ZZEF1: variants seen among roughly 807,000 people sequenced by gnomAD.
ZZEF1 encodes zinc finger ZZ-type and EF-hand domain containing 1.
Under a neutral mutation model 342.8 loss-of-function variants are expected in ZZEF1, and 157 were observed. The observed-to-expected ratio is 0.46, with a 90% confidence interval of 0.40 to 0.52. The LOEUF is 0.52. Among genes scored for constraint, ZZEF1 ranks in the 20% least tolerant of loss-of-function variants. ZZEF1 has a pLI of 0.00. For synonymous variants in ZZEF1, 1,505 were observed against 1,429.1 expected (o/e 1.05, Z -1.20); for missense variants, 3,480 against 3,725.6 (o/e 0.93, Z 1.72).
At chr17:4,027,184 C>A (rs2056426627) in intron 42 of ZZEF1, among the ~76,000 whole-genome samples, 1 of 151,684 alleles carries the variant, frequency 6.6e-6, no homozygotes, top group South Asian at 2.1e-4. Flanking sequence ...CTGTGTTGCC[C>A]AGGCTGGCAC....
intron 42 of ZZEF1, among the ~76,000 whole-genome samples, chr17:4,027,141 GT>G: frequency 6.6e-6 from 1 of 151,872 alleles, no homozygotes; most frequent in Non-Finnish European, 1.5e-5. Flanking sequence ...TCTCTCTCTT[GT>G]TTTTTAGGGG....
At position 4,017,721 on chromosome 17, in the gene ZZEF1, C is replaced by A; in HGVS notation, c.7651G>T (p.Ala2551Ser). 1 of 1,611,586 alleles carries A rather than the reference C, an allele frequency of 6.2e-7. No individual in the cohort carries two copies. Among genetic ancestry groups the A allele is most frequent in the Non-Finnish European group, 8.5e-7 (1 of 1,178,816 alleles). ...MIILPCLSRP[A>S]RCDQATAESN... is the part of the protein sequence containing the mutation. ...TCAGCAGTGGCTTGGTCACAGCGTGCAGGCCGGGACTGCAAACCCAAGACC... is the reference window on the plus strand; with the variant it reads ...TCAGCAGTGGCTTGGTCACAGCGTGAAGGCCGGGACTGCAAACCCAAGACC... The change falls in exon 48 of 55, where the codon GCA becomes TCA. Residue 2551 changes from alanine (A) to serine (S), a missense_variant. Coordinates refer to ENST00000381638, the MANE Select transcript of ZZEF1 (RefSeq NM_015113.4). This position sits in a 1 kb window ranked among gnomAD's most constrained non-coding sequence, Gnocchi z 5.1.
At position 4,034,092 on chromosome 17, in the gene ZZEF1, T is replaced by A; in HGVS notation, c.6507A>T (p.Ala2169=). The A allele has an allele frequency of 6.2e-7, 1 of 1,614,230 alleles. No homozygotes were observed. The highest frequency in any genetic ancestry group is 8.5e-7 in the Non-Finnish European group (1 of 1,180,046). ...CATCTGGCACAATGGAACTGTCCCC[T>A]GCAGCAAACAGGTTGTGTTTGGCTG... is the stretch of plus-strand genomic sequence containing the variant. ...VLSAKHNLFA[A]GDSSIVPDGW... The change falls in exon 40 of 55, where the codon GCA becomes GCT. Residue 2169 remains alanine (A), a synonymous_variant. Transcript: ENST00000381638.
intron 13 of ZZEF1, 132 bp from the exon 14 acceptor site, chr17:4,087,666 G>A (rs2057858352): frequency 1.3e-6 from 1 of 757,458 alleles, no homozygotes; most frequent in Non-Finnish European, 2.1e-6. Context: ...TATTACTGAT[G>A]CTTACTCTTA....
intron 37 of ZZEF1, among the ~76,000 whole-genome samples, chr17:4,045,286 C>G (rs971030069): frequency 6.6e-6 from 1 of 152,158 alleles, no homozygotes; most frequent in Non-Finnish European, 1.5e-5. Flanking sequence ...TTTCAGAAAC[C>G]AAGCATGGAA....
Position 4,064,692 on chromosome 17 carries a change from T to C in ZZEF1, c.4387A>G (p.Ser1463Gly). Reference protein sequence around the residue: ...LQPLNKRQRTSSVVEEHFQAS... With the variant: ...LQPLNKRQRTGSVVEEHFQAS... ...TGGAAATGCTCTTCCACCACAGAGC[T>C]TGTCCTCTGACGCTTGTTGAGTGGC... Residue 1463 changes from serine (S) to glycine (G), a missense_variant, in exon 29 of 55, where the codon AGC (serine) becomes GGC (glycine). Transcript: ENST00000381638. 1 of 1,614,216 alleles carries C rather than the reference T, an allele frequency of 6.2e-7. No homozygotes were observed. Among genetic ancestry groups the C allele is most frequent in the Non-Finnish European group, 8.5e-7 (1 of 1,180,044 alleles).
intron 9 of ZZEF1, among the ~76,000 whole-genome samples, chr17:4,098,401 G>A (rs186100643): frequency 6.6e-6 from 1 of 152,212 alleles, no homozygotes; most frequent in Admixed American, 6.5e-5. Flanking sequence ...AGTAGAGTGA[G>A]ACCCTGTCTC....
intron 4 of ZZEF1, among the ~76,000 whole-genome samples, chr17:4,113,491 C>T (rs1375145932): frequency 6.6e-6 from 1 of 152,070 alleles, no homozygotes; most frequent in African/African-American, 2.4e-5. Flanking sequence ...ATGGTGAAAC[C>T]CTGTCTCTAC....
intron 1 of ZZEF1, among the ~76,000 whole-genome samples, chr17:4,129,824 T>C (rs2058635641): frequency 6.6e-6 from 1 of 152,126 alleles, no homozygotes; most frequent in African/African-American, 2.4e-5. Flanking sequence ...CATGGAATAC[T>C]ATGCAGCCAT....
Position 4,009,736 on chromosome 17 carries a change from C to G in ZZEF1, c.8601G>C (p.Leu2867=). The change falls in exon 53 of 55, where the codon CTG becomes CTC. Residue 2867 remains leucine, a synonymous_variant. Transcript: ENST00000381638. ...CGHSDLCDLA[L]LKPLWQLFTH... ...TAAAGAGCTGCCACAGGGGCTTCAA[C>G]AGCGCAAGGTCACACAGGTCACTGC... 6.2e-7 allele frequency: 1 copy of G among 1,614,086 alleles called. No homozygotes were observed. The highest frequency in any genetic ancestry group is 2.2e-5 in the East Asian group (1 of 44,874).
chr17:4,066,093 G>T (rs1014874956), intron 28 of ZZEF1, among the ~76,000 whole-genome samples: 11 of 152,168 alleles, frequency 7.2e-5, no homozygotes, highest in African/African-American at 2.7e-4. Context: ...CTTGAGCCCA[G>T]GAGTGGGAGG....
intron 1 of ZZEF1, among the ~76,000 whole-genome samples, chr17:4,129,214 A>C (rs2058625733): frequency 6.6e-6 from 1 of 152,332 alleles, no homozygotes; most frequent in South Asian, 2.1e-4. Context: ...TATTGCAATC[A>C]TGAAAGAACA....
intron 1 of ZZEF1, among the ~76,000 whole-genome samples, chr17:4,137,103 T>A (rs562002221): frequency 6.6e-6 from 1 of 152,176 alleles, no homozygotes; most frequent in South Asian, 2.1e-4. Flanking sequence ...TAAAGGCTGC[T>A]CCACCATTCA....
rs1390453669 is a variant in ZZEF1, at chr17:4,105,736, T to C, written c.1351A>G (p.Asn451Asp). ...STDFSTFLSP[N>D]VLEEVDSFLI... ...AAACTGTCCACTTCTTCCAGCACAT[T>C]AGGGGAGAGGAAAGTTGAGAAATCT... Residue 451 changes from asparagine to aspartate, a missense_variant, in exon 7 of 55, where the codon AAT becomes GAT. Coordinates refer to ENST00000381638, the MANE Select transcript of ZZEF1 (RefSeq NM_015113.4). 1 of 1,613,376 alleles carries C rather than the reference T, an allele frequency of 6.2e-7. No homozygotes were observed. Among genetic ancestry groups the C allele is most frequent in the Non-Finnish European group, 8.5e-7 (1 of 1,179,762 alleles).
intron 45 of ZZEF1, among the ~76,000 whole-genome samples, chr17:4,020,264 T>G (rs2144977156): frequency 6.6e-6 from 1 of 152,352 alleles, no homozygotes; most frequent in African/African-American, 2.4e-5. Flanking sequence ...CACTTAAACT[T>G]GTCAGCAATG....
At chr17:4,045,147 C>T (rs1189202308) in intron 37 of ZZEF1, among the ~76,000 whole-genome samples, 1 of 150,334 alleles carries the variant, frequency 6.7e-6, no homozygotes, top group African/African-American at 2.4e-5. Context: ...GAGCAAGACT[C>T]TGTCTCAAAA....
chr17:4,072,885 AC>A, intron 24 of ZZEF1, 129 bp from the exon 25 acceptor site: 1 of 926,300 alleles, frequency 1.1e-6, no homozygotes, highest in African/African-American at 1.7e-5. Context: ...TTACCCACAT[AC>A]CAGAATGTAA....
chr17:4,042,337 A>G, intron 39 of ZZEF1, 92 bp downstream of exon 39: 1 of 1,357,182 alleles, frequency 7.4e-7, no homozygotes, highest in Non-Finnish European at 1.0e-6. Context: ...GGCTACAGAG[A>G]TGATTGTCAT....
In ZZEF1 at chr17:4,033,508, C is replaced by T. The variant is rs191531897; in HGVS notation, c.6585-506G>A. 2.0e-3 allele frequency: 339 copies of T among 165,480 alleles called. 1 individual carries two copies. Among genetic ancestry groups the T allele is most frequent in the Middle Eastern group, 3.1e-3 (1 of 318 alleles). 10.3% of individuals were successfully genotyped at this position (165,480 alleles called of 1,614,324 possible). A position where few individuals can be genotyped will look rare whatever the true frequency, so the allele number is the denominator to read the frequency against. ...GATTACAGGCACACGCCACCATGTC[C>T]GGCTAATTTTCTTTGTATTTTTAGT... On this transcript the variant is annotated intron_variant, in intron 40 of 54. Coordinates refer to ENST00000381638, the MANE Select transcript of ZZEF1 (RefSeq NM_015113.4).
Sources: allele counts gnomAD v4.1 joint callset (sites outside exome capture counted in the v4.1 genomes callset), GRCh38; gene constraint gnomAD v4.1.1; non-coding constraint Gnocchi (gnomAD v3.1); transcripts MANE v1.5; gene names NCBI Gene and HGNC (gene_info 2026-07-23, HGNC 2026-07-21).